Variants in EXOC4 observed in about 807,000 individuals in gnomAD.
EXOC4 encodes SEC8-like 1.
A neutral mutation model predicts 107.2 loss-of-function variants in EXOC4; 71 were observed. That is an observed-to-expected ratio of 0.66 (90% confidence interval 0.55 to 0.81). EXOC4 has a LOEUF of 0.81. EXOC4 is among the 30% of genes least tolerant of loss of function. The pLI is 0.00. For synonymous variants in EXOC4, 456 were observed against 441.2 expected, an observed-to-expected ratio of 1.03 and a Z score of -0.42; for missense variants, 1,108 against 1,189.6, an observed-to-expected ratio of 0.93 and a Z score of 1.01.
intron 10 of EXOC4, among the ~76,000 whole-genome samples, chr7:133,785,106 T>C (rs1796541929): frequency 6.6e-6 from 1 of 152,206 alleles, no homozygotes. Flanking sequence ...TTACCCGTCT[T>C]CCAGATTACT....
chr7:134,084,893 A>G, the EXOC4 span, among the ~76,000 whole-genome samples: 6 of 143,508 alleles, frequency 4.2e-5, no homozygotes, highest in African/African-American at 1.6e-4. Context: ...GACTACAGTG[A>G]TGCCTAGTGG....
chr7:134,007,016 G>C (rs1213708727), intron 16 of EXOC4, among the ~76,000 whole-genome samples: 4 of 152,068 alleles, frequency 2.6e-5, no homozygotes, highest in Non-Finnish European at 5.9e-5. Context: ...GGTGTCTCAC[G>C]GGAAGTCAAC....
chr7:133,882,189 C>T (rs923650433), intron 11 of EXOC4, among the ~76,000 whole-genome samples: 1 of 152,192 alleles, frequency 6.6e-6, no homozygotes, highest in African/African-American at 2.4e-5. Context: ...TGCTAGTTTG[C>T]TCTTTTTCAT....
intron 7 of EXOC4, among the ~76,000 whole-genome samples, chr7:133,388,429 C>G (rs1796777194): frequency 6.6e-6 from 1 of 152,100 alleles, no homozygotes; most frequent in Non-Finnish European, 1.5e-5. Context: ...GTGGGCAGAT[C>G]ACTTGAGGTC....
chr7:133,364,738 T>C (rs1235907135), intron 6 of EXOC4, among the ~76,000 whole-genome samples: 7 of 152,206 alleles, frequency 4.6e-5, no homozygotes, highest in Non-Finnish European at 7.3e-5. Flanking sequence ...ATTCACGCTT[T>C]GCAAAGCCAT....
intron 14 of EXOC4, among the ~76,000 whole-genome samples, chr7:133,977,549 G>T (rs188768477): frequency 1.4e-3 from 218 of 152,264 alleles, no homozygotes; most frequent in African/African-American, 5.0e-3. Context: ...TTCTATCCCT[G>T]CCTTGGCTCA....
Position 133,864,090 on chromosome 7 carries a change from A to C in EXOC4, c.1735-31509A>C, listed in dbSNP as rs574625978. Among the ~76,000 whole-genome samples the C allele has an allele frequency of 3.9e-5, 6 of 152,264 alleles. No individual in the cohort carries two copies. The East Asian group carries it at 1.2e-3, about 29-fold the overall frequency. On this transcript the variant is annotated intron_variant, in intron 11 of 17. Coordinates refer to ENST00000253861, the MANE Select transcript of EXOC4 (RefSeq NM_021807.4). ...CTGTAATCTCTGATGGCTAATTTGCATAAATAACCGTGCTAAAATAAAATA... is the reference window on the plus strand; with the variant it reads ...CTGTAATCTCTGATGGCTAATTTGCCTAAATAACCGTGCTAAAATAAAATA...
At chr7:133,763,701 G>GA (rs1562987639) in intron 10 of EXOC4, among the ~76,000 whole-genome samples, 2,777 of 32,364 alleles carry the variant, frequency 0.086, 91 homozygotes, top group African/African-American at 0.34. Flanking sequence ...TAGCCAAAAA[G>GA]GAAAAAAAAA....
chr7:133,487,307 C>CAGAT (rs1042543173), intron 9 of EXOC4, among the ~76,000 whole-genome samples: 5 of 152,180 alleles, frequency 3.3e-5, no homozygotes, highest in Non-Finnish European at 5.9e-5. Context: ...TTCATTCATA[C>CAGAT]AGATGTGAGA....
intron 7 of EXOC4, among the ~76,000 whole-genome samples, chr7:133,392,108 TAG>T (rs1208441831): frequency 1.3e-5 from 2 of 152,052 alleles, no homozygotes; most frequent in African/African-American, 2.4e-5. Context: ...GATATTCCCC[TAG>T]GAAAATTGGG....
intron 5 of EXOC4, among the ~76,000 whole-genome samples, chr7:133,331,235 A>G (rs1795379310): frequency 6.6e-6 from 1 of 152,054 alleles, no homozygotes; most frequent in Non-Finnish European, 1.5e-5. Context: ...AACTGAGCAA[A>G]TAATTTGCAA....
chr7:133,824,572 G>A (rs28498610), intron 11 of EXOC4, among the ~76,000 whole-genome samples: 2,357 of 152,226 alleles, frequency 0.015, 61 homozygotes, highest in African/African-American at 0.053. Flanking sequence ...AAAGCTAGGG[G>A]ATTAGTTTCC....
chr7:133,374,750 T>C (rs766525916), intron 6 of EXOC4, 78 bp from the exon 7 acceptor site: 103 of 1,201,284 alleles, frequency 8.6e-5, no homozygotes, highest in Non-Finnish European at 1.1e-4. Context: ...TAGTTTGATG[T>C]TTTTCTTGCA....
At chr7:133,471,894 G>A (rs1798888208) in intron 7 of EXOC4, among the ~76,000 whole-genome samples, 1 of 152,158 alleles carries the variant, frequency 6.6e-6, no homozygotes, top group Non-Finnish European at 1.5e-5. Context: ...CTTATTGAAT[G>A]ATGTAGAAAA....
At chr7:133,336,530 A>C (rs1245790649) in intron 5 of EXOC4, among the ~76,000 whole-genome samples, 1 of 152,130 alleles carries the variant, frequency 6.6e-6, no homozygotes, top group East Asian at 1.9e-4. Context: ...AATTCTTGCC[A>C]ATCTGAGAAG....
chr7:133,777,569 T>C (rs1433841723), intron 10 of EXOC4, among the ~76,000 whole-genome samples: 1 of 152,210 alleles, frequency 6.6e-6, no homozygotes, highest in Non-Finnish European at 1.5e-5. Flanking sequence ...TTATGATTAT[T>C]GGTGGAATGA....
chr7:133,629,912 G>T (rs1042277466), intron 9 of EXOC4, 133 bp from the exon 10 acceptor site: 4 of 613,008 alleles, frequency 6.5e-6, no homozygotes, highest in African/African-American at 1.8e-5. Context: ...AAATAATTTC[G>T]TACATACCGA....
intron 9 of EXOC4, among the ~76,000 whole-genome samples, chr7:133,519,737 C>T (rs568494814): frequency 3.9e-5 from 6 of 152,096 alleles, no homozygotes; most frequent in Non-Finnish European, 8.8e-5. Flanking sequence ...GAGCATTTGT[C>T]GGAAGTCAAG....
intron 17 of EXOC4, among the ~76,000 whole-genome samples, chr7:134,059,816 T>G (rs928218786): frequency 6.6e-6 from 1 of 152,126 alleles, no homozygotes; most frequent in African/African-American, 2.4e-5. Context: ...TATGATGAAA[T>G]TATGAGAAAT....
Sources: gnomAD v4.1 joint callset for allele counts (sites outside exome capture counted in the v4.1 genomes callset) on GRCh38, gnomAD v4.1.1 for gene constraint, MANE v1.5 for transcripts, NCBI Gene and HGNC (gene_info 2026-07-23, HGNC 2026-07-21) for gene names.